Variants in ALS2 observed in about 807,000 individuals in gnomAD.
ALS2 encodes the protein alsin.
A neutral mutation model predicts 203.4 loss-of-function variants in ALS2; 117 were observed. That is an observed-to-expected ratio of 0.58 (90% CI 0.50 to 0.67). ALS2 has a LOEUF of 0.67. Among genes scored for constraint, ALS2 ranks in the 30% least tolerant of loss-of-function variants. The pLI is 0.00. For synonymous variants in ALS2, 718 were observed against 725.9 expected (o/e 0.99, Z 0.17); for missense variants, 1,715 against 1,989.4 (o/e 0.86, Z 2.62).
At chr2:201,739,232 T>C (rs1271581797) in intron 11 of ALS2, among the ~76,000 whole-genome samples, 3 of 48,142 alleles carry the variant, frequency 6.2e-5, no homozygotes, top group African/African-American at 9.8e-5. Flanking sequence ...TACGACTGTC[T>C]CCCAAAAAAA....
intron 7 of ALS2, among the ~76,000 whole-genome samples, chr2:201,750,078 A>C (rs1169946721): frequency 2.0e-5 from 3 of 151,934 alleles, no homozygotes; most frequent in Non-Finnish European, 4.4e-5. Flanking sequence ...AGGCAGGAGA[A>C]TGGCTTGAAC....
chr2:201,747,575 C>T (rs1339110892), intron 8 of ALS2, among the ~76,000 whole-genome samples: 6 of 151,878 alleles, frequency 4.0e-5, no homozygotes, highest in Admixed American at 1.3e-4. Flanking sequence ...CTCAGCCTCC[C>T]GAGTAGCTGG....
intron 13 of ALS2, 34 bp from the exon 14 acceptor site, chr2:201,729,217 AAAG>A (rs746637024): frequency 1.2e-6 from 2 of 1,606,544 alleles, no homozygotes; most frequent in East Asian, 2.2e-5. Flanking sequence ...AAAAAAAAAA[AAAG>A]AACATAAAAC....
In ALS2 at chr2:201,727,273, C is replaced by A; in HGVS notation, c.2918G>T (p.Gly973Val). 1 of 1,613,234 alleles carries A rather than the reference C, an allele frequency of 6.2e-7. No individual in the cohort carries two copies. Among genetic ancestry groups the A allele is most frequent in the Non-Finnish European group, 8.5e-7 (1 of 1,179,274 alleles). ...CTCCTCAGGTGTAGTTATCTTTAAG[C>A]CATTCCTAAAACGTTCACAAGGATA... Reference protein sequence around the residue: ...PLSEEAGGVNGLKITTPEEQF... With the variant: ...PLSEEAGGVNVLKITTPEEQF... Residue 973 changes from glycine to valine, a missense_variant, in exon 17 of 34, where the codon GGC becomes GTC. Around this residue, in one of 3 missense-constraint regions of ALS2, gnomAD observed 1,227 missense variants for 1,413.5 expected, o/e 0.87. Coordinates refer to ENST00000264276, the MANE Select transcript of ALS2 (RefSeq NM_020919.4).
At chr2:201,739,611 C>G (rs1008351599) in intron 11 of ALS2, among the ~76,000 whole-genome samples, 1 of 151,942 alleles carries the variant, frequency 6.6e-6, no homozygotes, top group Non-Finnish European at 1.5e-5. Context: ...GGCGCGGTGG[C>G]GGATGCCTGT....
chr2:201,774,966 G>C (rs1323392103), intron 1 of ALS2, among the ~76,000 whole-genome samples: 1 of 152,096 alleles, frequency 6.6e-6, no homozygotes, highest in African/African-American at 2.4e-5. Context: ...TATAGAGTTA[G>C]ACAGTACCCT....
chr2:201,717,941 A>C, intron 24 of ALS2, 136 bp downstream of exon 24: 2 of 917,762 alleles, frequency 2.2e-6, no homozygotes, highest in South Asian at 3.7e-5. Context: ...CCTGTCTCAA[A>C]AAATAAAAAT....
rs575127661 is a variant in ALS2 at position 201,748,504 on chromosome 2, T to C, written c.1815+1208A>G. Among the ~76,000 whole-genome samples the C allele has an allele frequency of 3.3e-5, 5 of 152,306 alleles. 1 individual carries two copies. The South Asian group carries it at 1.0e-3, about 32-fold the overall frequency. Reference sequence around the variant, plus strand: ...TCGGAGAGTTATGAAACTAAAATCTTGTAACAAACTATTCTCTTGTTTGCT... The same window carrying C: ...TCGGAGAGTTATGAAACTAAAATCTCGTAACAAACTATTCTCTTGTTTGCT... On this transcript the variant is annotated intron_variant, in intron 8 of 33. Transcript: ENST00000264276.
chr2:201,760,572 C>T, intron 4 of ALS2: 1 of 1,152,968 alleles, frequency 8.7e-7, no homozygotes, highest in Non-Finnish European at 1.1e-6. Flanking sequence ...ATTCAGGGCC[C>T]ACCAAAATTC....
At chr2:201,768,227 G>GT (rs138031901) in intron 2 of ALS2, among the ~76,000 whole-genome samples, 3,020 of 152,260 alleles carry the variant, frequency 0.02, 44 homozygotes, top group Non-Finnish European at 0.028. Context: ...CTTTGCTCAA[G>GT]TTCTAGCTAA....
At chr2:201,766,531 C>T (rs1694086428) in intron 3 of ALS2, among the ~76,000 whole-genome samples, 1 of 151,648 alleles carries the variant, frequency 6.6e-6, no homozygotes, top group Non-Finnish European at 1.5e-5. Flanking sequence ...CACCTGTAAT[C>T]CCAGCTACTC....
At chr2:201,719,259 T>A (rs958498211) in intron 23 of ALS2, among the ~76,000 whole-genome samples, 1 of 152,138 alleles carries the variant, frequency 6.6e-6, no homozygotes, top group African/African-American at 2.4e-5. Context: ...GGGAAGTGAT[T>A]AGGGACAGTG....
At chr2:201,723,219 G>A (rs1690922685) in intron 22 of ALS2, 99 bp from the exon 23 acceptor site, 1 of 1,386,860 alleles carries the variant, frequency 7.2e-7, no homozygotes, top group East Asian at 2.3e-5. Flanking sequence ...AATCTTAAAA[G>A]AAGGAAAATA....
intron 23 of ALS2, among the ~76,000 whole-genome samples, chr2:201,720,724 C>T (rs1232296247): frequency 6.6e-6 from 1 of 151,432 alleles, no homozygotes; most frequent in Non-Finnish European, 1.5e-5. Flanking sequence ...AACACACACA[C>T]ACACACACAC....
Position 201,757,401 on chromosome 2 carries a change from C to T in ALS2, c.1471+1G>A, listed in dbSNP as rs1693462968. 2 of 1,612,382 alleles carry T rather than the reference C, an allele frequency of 1.2e-6. No individual in the cohort carries two copies. The highest frequency in any genetic ancestry group is 8.5e-7 in the Non-Finnish European group (1 of 1,178,406). ...TTCACAAAACCTAGTTATTTCCTTACCTTGTGACAACAATCCAGGGAGGGA... is the reference window on the plus strand; with the variant it reads ...TTCACAAAACCTAGTTATTTCCTTATCTTGTGACAACAATCCAGGGAGGGA... On this transcript the variant is annotated splice_donor_variant, in intron 5 of 33. Transcript: ENST00000264276. LOFTEE classifies it high-confidence loss of function.
intron 19 of ALS2, 79 bp downstream of exon 19, chr2:201,726,405 C>T: frequency 1.6e-6 from 2 of 1,246,658 alleles, no homozygotes; most frequent in Non-Finnish European, 2.4e-6. Flanking sequence ...GTTTGAAAAG[C>T]AGCTCTGCAT....
intron 5 of ALS2, among the ~76,000 whole-genome samples, chr2:201,757,169 A>G (rs188487113): frequency 1.2e-3 from 190 of 152,362 alleles, no homozygotes; most frequent in Middle Eastern, 6.8e-3. Context: ...AAGATTCACA[A>G]TAAGGTTCAT....
chr2:201,744,694 A>G (rs1294383582), intron 9 of ALS2, among the ~76,000 whole-genome samples: 1 of 152,048 alleles, frequency 6.6e-6, no homozygotes, highest in Non-Finnish European at 1.5e-5. Context: ...TTATATATGC[A>G]TATCCAGATC....
intron 11 of ALS2, among the ~76,000 whole-genome samples, chr2:201,739,597 G>C (rs901453245): frequency 6.6e-6 from 1 of 152,068 alleles, no homozygotes; most frequent in Non-Finnish European, 1.5e-5. Context: ...ATAAAAATTA[G>C]CTGGGCGCGG....
Sources: gnomAD v4.1 joint callset for allele counts (sites outside exome capture counted in the v4.1 genomes callset) on GRCh38, gnomAD v4.1.1 for gene constraint, gnomAD v4.1.1 regional missense constraint, MANE v1.5 for transcripts, NCBI Gene and HGNC (gene_info 2026-07-23, HGNC 2026-07-21) for gene names.